Variants in DNM1 observed in about 807,000 individuals in gnomAD.
DNM1 encodes the protein dynamin 1, also known as dynamin-1.
A neutral mutation model predicts 104.6 loss-of-function variants in DNM1; 29 were observed. The ratio of observed to expected loss-of-function variants is 0.28; its 90% confidence interval spans 0.21 to 0.38. The LOEUF is 0.38. Among genes scored for constraint, DNM1 ranks in the 10% least tolerant of loss-of-function variants. The pLI, the probability that DNM1 is intolerant of heterozygous loss-of-function variation, is 1.00. For missense variants in DNM1, 640 were observed against 1,189.4 expected, an observed-to-expected ratio of 0.54 and a Z score of 6.79; for synonymous variants, 445 against 475.8, an observed-to-expected ratio of 0.94 and a Z score of 0.84.
rs761862168 is a variant in DNM1, at chr9:128,220,125, C to T, written c.688+39C>T. ...GCCCCTCAACCACTCCCCAGCCCTT[C>T]CCCACCCTTCCCCTCCTCTTGAGGC... On this transcript the variant is annotated intron_variant, in intron 5 of 21. Coordinates refer to ENST00000372923, the MANE Select transcript of DNM1 (RefSeq NM_004408.4). This position sits in a 1 kb window ranked among gnomAD's most constrained non-coding sequence, Gnocchi z 5.2. The T allele has an allele frequency of 1.2e-6, 2 of 1,611,694 alleles. No homozygotes were observed. Among genetic ancestry groups the T allele is most frequent in the South Asian group, 1.1e-5 (1 of 91,048 alleles).
Position 128,218,291 on chromosome 9 carries a change from C to G in DNM1, c.222C>G (p.Val74=). ...GACGTCCCCTGGTCTTGCAGCTGGT[C>G]AATGCAACCACAGGTACGTGCCCTC... ...VTRRPLVLQL[V]NATTEYAEFL... Residue 74 remains valine, a synonymous_variant, in exon 2 of 22, where the codon GTC becomes GTG. Transcript: ENST00000372923. This position sits in a 1 kb window ranked among gnomAD's most constrained non-coding sequence, Gnocchi z 4.8. The G allele has an allele frequency of 1.2e-6, 2 of 1,614,122 alleles. No individual in the cohort carries two copies. The highest frequency in any genetic ancestry group is 8.5e-7 in the Non-Finnish European group (1 of 1,180,006).
At position 128,247,330 on chromosome 9, in the gene DNM1, G is replaced by A. The variant is rs1836890146; in HGVS notation, c.1782-45G>A. 4 of 1,424,954 alleles carry A rather than the reference G, an allele frequency of 2.8e-6. No homozygotes were observed. The East Asian group carries it at 9.5e-5, about 34-fold the overall frequency. The allele number at this position is 1,424,954 out of a possible 1,614,324, so 88.3% of individuals were successfully genotyped here. ...GGCATGCCCTTAACCCCCAGGGAGG[G>A]TCAGACTTTGCCCATCTGCCCTCAC... On this transcript the variant is annotated intron_variant, in intron 16 of 21. Coordinates refer to ENST00000372923, the MANE Select transcript of DNM1 (RefSeq NM_004408.4). This position sits in a 1 kb window ranked among gnomAD's most constrained non-coding sequence, Gnocchi z 5.1.
At position 128,253,320 on chromosome 9, in the gene DNM1, G is replaced by A. The variant is rs1046575662; in HGVS notation, c.2535-1334G>A. On this transcript the variant is annotated intron_variant, in intron 21 of 21. Transcript: ENST00000372923. The surrounding 1 kb of genome is among the most constrained non-coding windows in gnomAD (Gnocchi z 5.9). Reference sequence around the variant, plus strand: ...TGGCTCTCTCACCTCCCTTCCCTGCGAGCCTCGGGACTCAGTGCCACTGCC... The same window carrying A: ...TGGCTCTCTCACCTCCCTTCCCTGCAAGCCTCGGGACTCAGTGCCACTGCC... 70 of 625,370 alleles carry A rather than the reference G, an allele frequency of 1.1e-4. No individual in the cohort carries two copies. In the East Asian group the frequency reaches 1.4e-3, roughly 12 times the overall value. The allele number at this position is 625,370 out of a possible 1,614,324, so 38.7% of individuals were successfully genotyped here. A position where few individuals can be genotyped will look rare whatever the true frequency, so the allele number is the denominator to read the frequency against.
At chr9:128,230,111 G>A (rs1247334858) in intron 10 of DNM1, among the ~76,000 whole-genome samples, 3 of 151,474 alleles carry the variant, frequency 2.0e-5, no homozygotes, top group Admixed American at 1.3e-4. Flanking sequence ...CCAGCTACTC[G>A]GGAGGCTGAA....
chr9:128,227,071 G>A (rs541206978), intron 10 of DNM1, among the ~76,000 whole-genome samples: 2 of 140,450 alleles, frequency 1.4e-5, no homozygotes, highest in South Asian at 4.5e-4. Context: ...CTGGAGTGCA[G>A]TGGCACCATC....
rs1836882831 is a variant in DNM1, at chr9:128,247,225, G to A, written c.1782-150G>A. 4.1e-6 allele frequency: 2 copies of A among 484,160 alleles called. No individual in the cohort carries two copies. The highest frequency in any genetic ancestry group is 6.8e-5 in the Admixed American group (2 of 29,534). 30.0% of individuals were successfully genotyped at this position (484,160 alleles called of 1,614,324 possible). On this transcript the variant is annotated intron_variant, in intron 16 of 21. Transcript: ENST00000372923. This position sits in a 1 kb window ranked among gnomAD's most constrained non-coding sequence, Gnocchi z 5.1. ...AACCCATCTTCCCAGTGAGGAAACT[G>A]AGGCTGAGAGGAAGGGACTTGCACA...
At position 128,245,059 on chromosome 9, in the gene DNM1, A is replaced by C. The variant is rs1385698420; in HGVS notation, c.1672-1335A>C. 4.3e-6 allele frequency: 1 copy of C among 235,004 alleles called. No homozygotes were observed. The highest frequency in any genetic ancestry group is 5.0e-5 in the Admixed American group (1 of 19,988). The allele number at this position is 235,004 out of a possible 1,614,324, so 14.6% of individuals were successfully genotyped here. ...GGAGGGGGCCGGCCGGCAGGAAGGG[A>C]GGGGTGGGGGGAGGAGGCCGCTCCT... On this transcript the variant is annotated intron_variant, in intron 15 of 21. Coordinates refer to ENST00000372923, the MANE Select transcript of DNM1 (RefSeq NM_004408.4). The surrounding 1 kb of genome is among the most constrained non-coding windows in gnomAD (Gnocchi z 5.2).
intron 11 of DNM1, among the ~76,000 whole-genome samples, chr9:128,238,014 A>G (rs897617826): frequency 6.6e-6 from 1 of 152,094 alleles, no homozygotes; most frequent in Non-Finnish European, 1.5e-5. Flanking sequence ...GGTTCAAGCA[A>G]TCCTCCTGCC....
In DNM1 at chr9:128,250,301, C is replaced by A; in HGVS notation, c.2263C>A (p.Pro755Thr). Residue 755 changes from proline to threonine, a missense_variant, in exon 20 of 22, where the codon CCC (proline) becomes ACC (threonine). Physicochemically the swap from Pro to Thr is conservative, Grantham distance 38 (BLOSUM62 -1). Around this residue, in one of 7 missense-constraint regions of DNM1, gnomAD observed 129 missense variants for 224.6 expected, o/e 0.57. Transcript: ENST00000372923. ...INTTTVSTPMPPPVDDSWLQV... is the reference protein window; with the variant it reads ...INTTTVSTPMTPPVDDSWLQV... ...CACGACCACCGTCAGCACGCCCATG[C>A]CCCCGCCCGTGGACGACTCCTGGCT... 1 of 1,609,926 alleles carries A rather than the reference C, an allele frequency of 6.2e-7. No homozygotes were observed. Among genetic ancestry groups the A allele is most frequent in the Non-Finnish European group, 8.5e-7 (1 of 1,178,276 alleles).
In DNM1 at chr9:128,224,376, A is replaced by C; in HGVS notation, c.1322A>C (p.Gln441Pro). The change falls in exon 10 of 22, where the codon CAG becomes CCG. Residue 441 changes from glutamine (Q) to proline (P), a missense_variant. Physicochemically the swap from Gln to Pro is moderately conservative, Grantham distance 76. Around this residue, in one of 7 missense-constraint regions of DNM1, gnomAD observed 92 missense variants for 124.4 expected, o/e 0.74. Coordinates refer to ENST00000372923, the MANE Select transcript of DNM1 (RefSeq NM_004408.4). The surrounding 1 kb of genome is among the most constrained non-coding windows in gnomAD (Gnocchi z 4.3). ...TCGGAGCTAATCAGCACCGTTAGAC[A>C]GTGCACCAAGAAGGTAACCCGGAGG... ...VISELISTVR[Q>P]CTKKLQQYPR... The C allele has an allele frequency of 1.2e-6, 2 of 1,609,726 alleles. No homozygotes were observed. The highest frequency in any genetic ancestry group is 8.5e-7 in the Non-Finnish European group (1 of 1,176,848).
rs547322995 is a variant in DNM1 at position 128,245,259 on chromosome 9, G to T, written c.1672-1135G>T. Among the ~76,000 whole-genome samples, 57 of 152,178 alleles carry T rather than the reference G, an allele frequency of 3.7e-4. No individual in the cohort carries two copies. Among genetic ancestry groups the T allele is most frequent in the African/African-American group, 1.1e-3 (46 of 41,536 alleles). On this transcript the variant is annotated intron_variant, in intron 15 of 21. Coordinates refer to ENST00000372923, the MANE Select transcript of DNM1 (RefSeq NM_004408.4). This position sits in a 1 kb window ranked among gnomAD's most constrained non-coding sequence, Gnocchi z 5.2. ...GCTTTATGTGGCTGCATGGGCCAGG[G>T]GGGCGTTGGGGGCAGAGAGGGGTGG...
At chr9:128,237,008 G>A (rs1008274600) in intron 11 of DNM1, among the ~76,000 whole-genome samples, 1 of 152,110 alleles carries the variant, frequency 6.6e-6, no homozygotes, top group African/African-American at 2.4e-5. Flanking sequence ...GAAGATAATT[G>A]TAATATCTAA....
Position 128,222,680 on chromosome 9 carries a change from G to C in DNM1, c.1128+84G>C, listed in dbSNP as rs568010141. The C allele has an allele frequency of 1.2e-5, 19 of 1,601,284 alleles. No homozygotes were observed. The Admixed American group carries it at 2.2e-4, about 18-fold the overall frequency. ...ACTCTCTCTGCGTGTGTTTTTGCTGGCCCCCACCCCACAGGCCCTGATGCC... is the reference window on the plus strand; with the variant it reads ...ACTCTCTCTGCGTGTGTTTTTGCTGCCCCCCACCCCACAGGCCCTGATGCC... On this transcript the variant is annotated intron_variant, in intron 8 of 21. Coordinates refer to ENST00000372923, the MANE Select transcript of DNM1 (RefSeq NM_004408.4). This position sits in a 1 kb window ranked among gnomAD's most constrained non-coding sequence, Gnocchi z 7.8.
chr9:128,205,189 C>A (rs893245006), intron 1 of DNM1, among the ~76,000 whole-genome samples: 19 of 152,212 alleles, frequency 1.2e-4, no homozygotes, highest in African/African-American at 4.6e-4. Flanking sequence ...CGGGCCCCTT[C>A]CCCAAGGGCC....
chr9:128,203,878 G>T lies in DNM1; in HGVS notation c.161+247G>T, dbSNP rs1395573651. 6.6e-6 allele frequency among the ~76,000 whole-genome samples: 1 copy of T among 150,662 alleles called. No individual in the cohort carries two copies. The highest frequency in any genetic ancestry group is 2.4e-5 in the African/African-American group (1 of 40,888). ...GCTACCGAATCACGCCCCCTCCTCCGTCCCATCCTTTAGGGCAGACAACGC... is the reference window on the plus strand; with the variant it reads ...GCTACCGAATCACGCCCCCTCCTCCTTCCCATCCTTTAGGGCAGACAACGC... On this transcript the variant is annotated intron_variant, in intron 1 of 21. Transcript: ENST00000372923. This position sits in a 1 kb window ranked among gnomAD's most constrained non-coding sequence, Gnocchi z 5.3.
chr9:128,217,577 G>A (rs531234245), intron 1 of DNM1, among the ~76,000 whole-genome samples: 4 of 152,064 alleles, frequency 2.6e-5, no homozygotes, highest in East Asian at 1.9e-4. Flanking sequence ...ACACCCCGCC[G>A]GCTAATTTTT....
Position 128,220,885 on chromosome 9 carries a change from T to TTTTCTTTC in DNM1, c.849+588_849+595dup, listed in dbSNP as rs373253077. The stretch of plus-strand genomic sequence containing the variant: ...CCTCTATTTCTTTTTTCTTTATTTG[T>TTTTCTTTC]TTTCTTTCTTTCTTTCTTTCTTTCT... On this transcript the variant is annotated intron_variant, in intron 6 of 21. Transcript: ENST00000372923. The surrounding 1 kb of genome is among the most constrained non-coding windows in gnomAD (Gnocchi z 5.2). Among the ~76,000 whole-genome samples, 25,518 of 117,072 alleles carry TTTTCTTTC rather than the reference T, an allele frequency of 0.22. 3,025 individuals are homozygous for TTTTCTTTC. Among genetic ancestry groups the TTTTCTTTC allele is most frequent in the Admixed American group, 0.3 (3,268 of 10,910 alleles). The allele number at this position is 117,072 out of a possible 152,430, so 76.8% of individuals were successfully genotyped here. A position where few individuals can be genotyped will look rare whatever the true frequency, so the allele number is the denominator to read the frequency against.
Position 128,222,732 on chromosome 9 carries a change from T to A in DNM1, c.1129-61T>A. On this transcript the variant is annotated intron_variant, in intron 8 of 21. Coordinates refer to ENST00000372923, the MANE Select transcript of DNM1 (RefSeq NM_004408.4). The surrounding 1 kb of genome is among the most constrained non-coding windows in gnomAD (Gnocchi z 7.8). ...AGCCCTAGGTGTGGGGTGGGCCCTGTCTTGACCTCCCAGGTAGTAGGACAG... is the reference window on the plus strand; with the variant it reads ...AGCCCTAGGTGTGGGGTGGGCCCTGACTTGACCTCCCAGGTAGTAGGACAG... The A allele has an allele frequency of 1.2e-6, 2 of 1,608,976 alleles. No homozygotes were observed. Among genetic ancestry groups the A allele is most frequent in the Non-Finnish European group, 1.7e-6 (2 of 1,175,922 alleles).
At chr9:128,237,298 G>A (rs2131242079) in intron 11 of DNM1, among the ~76,000 whole-genome samples, 1 of 151,284 alleles carries the variant, frequency 6.6e-6, no homozygotes, top group African/African-American at 2.4e-5. Flanking sequence ...GTCTCTCTCA[G>A]TTGCCCAGGC....
Sources: allele counts gnomAD v4.1 joint callset (sites outside exome capture counted in the v4.1 genomes callset), GRCh38; gene constraint gnomAD v4.1.1; regional missense constraint gnomAD v4.1.1; non-coding constraint Gnocchi (gnomAD v3.1); transcripts MANE v1.5; gene names NCBI Gene and HGNC (gene_info 2026-07-23, HGNC 2026-07-21).